ITGBL1: variants seen among roughly 807,000 people sequenced by gnomAD.
ITGBL1 encodes the protein integrin subunit beta like 1, also known as integrin beta-like protein 1.
ITGBL1 carries 51 observed loss-of-function variants against 68.5 expected under a neutral mutation model. That is an observed-to-expected ratio of 0.74 (90% confidence interval 0.59 to 0.94). ITGBL1 has a LOEUF of 0.94. ITGBL1 is among the 40% of genes least tolerant of loss of function. The pLI is 0.00. For synonymous variants in ITGBL1, 209 were observed against 227.3 expected, an observed-to-expected ratio of 0.92 and a Z score of 0.72; for missense variants, 649 against 647.4, an observed-to-expected ratio of 1.00 and a Z score of -0.03.
intron 8 of ITGBL1, among the ~76,000 whole-genome samples, chr13:101,695,197 T>C (rs1358038764): frequency 6.6e-6 from 1 of 152,220 alleles, no homozygotes; most frequent in Non-Finnish European, 1.5e-5. Context: ...ATGCAGACTA[T>C]GTGCTTTACA....
At chr13:101,651,159 A>G (rs2032738055) in intron 7 of ITGBL1, among the ~76,000 whole-genome samples, 1 of 152,168 alleles carries the variant, frequency 6.6e-6, no homozygotes, top group Non-Finnish European at 1.5e-5. Flanking sequence ...TTAGGTATAT[A>G]CCCAGTAATG....
intron 2 of ITGBL1, among the ~76,000 whole-genome samples, chr13:101,456,784 A>G (rs2048249520): frequency 6.6e-6 from 1 of 152,136 alleles, no homozygotes; most frequent in Admixed American, 6.5e-5. Context: ...GCTTGGTGGC[A>G]TGTGCCTGTA....
intron 2 of ITGBL1, among the ~76,000 whole-genome samples, chr13:101,512,842 T>C (rs1319304139): frequency 2.0e-5 from 3 of 152,126 alleles, no homozygotes; most frequent in African/African-American, 7.2e-5. Context: ...CAGAATATAT[T>C]ATAACAGAAT....
At chr13:101,456,845 G>A (rs2048250526) in intron 2 of ITGBL1, among the ~76,000 whole-genome samples, 2 of 152,270 alleles carry the variant, frequency 1.3e-5, no homozygotes, top group East Asian at 1.9e-4. Flanking sequence ...AACCCGGCAG[G>A]CAGAGGTTGC....
chr13:101,588,743 C>A (rs2050601700), intron 6 of ITGBL1, among the ~76,000 whole-genome samples: 1 of 150,626 alleles, frequency 6.6e-6, no homozygotes, highest in African/African-American at 2.4e-5. Context: ...AAAGGGTTTT[C>A]ATGCTAAATA....
intron 6 of ITGBL1, among the ~76,000 whole-genome samples, chr13:101,592,839 A>G (rs1046242674): frequency 1.3e-5 from 2 of 152,098 alleles, no homozygotes; most frequent in African/African-American, 2.4e-5. Context: ...AAGAAAACAT[A>G]GGATAGTACT....
chr13:101,515,259 T>C (rs558171588), intron 2 of ITGBL1, among the ~76,000 whole-genome samples: 3 of 152,106 alleles, frequency 2.0e-5, no homozygotes, highest in Non-Finnish European at 4.4e-5. Context: ...AAAATACAAC[T>C]GATTCTAGTC....
chr13:101,481,054 CTA>C (rs1298171536), intron 2 of ITGBL1, among the ~76,000 whole-genome samples: 1 of 120,648 alleles, frequency 8.3e-6, no homozygotes, highest in Non-Finnish European at 1.7e-5. Context: ...ATATGTGTAA[CTA>C]TATACACACA....
intron 2 of ITGBL1, among the ~76,000 whole-genome samples, chr13:101,466,771 G>C (rs1482626576): frequency 6.6e-6 from 1 of 152,148 alleles, no homozygotes; most frequent in African/African-American, 2.4e-5. Flanking sequence ...AGTACAGATC[G>C]ATCTTTCCTG....
chr13:101,633,012 C>G (rs1308199905), intron 7 of ITGBL1, among the ~76,000 whole-genome samples: 1 of 152,194 alleles, frequency 6.6e-6, no homozygotes, highest in Admixed American at 6.5e-5. Flanking sequence ...TCTCATTTCT[C>G]CCAAGTTCCC....
intron 2 of ITGBL1, among the ~76,000 whole-genome samples, chr13:101,550,181 AC>A (rs1350356265): frequency 6.6e-6 from 1 of 152,150 alleles, no homozygotes; most frequent in Non-Finnish European, 1.5e-5. Flanking sequence ...ATTTTTGTCA[AC>A]ATAGGCCCTG....
intron 7 of ITGBL1, among the ~76,000 whole-genome samples, chr13:101,623,015 G>T (rs958317771): frequency 6.6e-6 from 1 of 151,322 alleles, no homozygotes; most frequent in Non-Finnish European, 1.5e-5. Context: ...ATTTATGCTT[G>T]TTTTCTCTAA....
intron 3 of ITGBL1, 95 bp from the exon 4 acceptor site, chr13:101,575,329 G>A (rs988851763): frequency 5.8e-5 from 67 of 1,160,400 alleles, no homozygotes; most frequent in Non-Finnish European, 7.9e-5. Flanking sequence ...AATTGATTTG[G>A]ATTATCTACT....
At position 101,637,432 on chromosome 13, in the gene ITGBL1, C is replaced by T. The variant is rs182222887; in HGVS notation, c.1015+39133C>T. 1.2e-4 allele frequency among the ~76,000 whole-genome samples: 18 copies of T among 151,498 alleles called. No homozygotes were observed. In the East Asian group the frequency reaches 3.1e-3, roughly 26 times the overall value. ...GATCTGGGCTCACTGCAACCACCGCCTCCTGGGTTCAAGCCATTCTCCTGC... is the reference window on the plus strand; with the variant it reads ...GATCTGGGCTCACTGCAACCACCGCTTCCTGGGTTCAAGCCATTCTCCTGC... On this transcript the variant is annotated intron_variant, in intron 7 of 10. Coordinates refer to ENST00000376180, the MANE Select transcript of ITGBL1 (RefSeq NM_004791.3).
chr13:101,710,657 TG>T (rs2034419888), intron 9 of ITGBL1: 1 of 152,178 alleles, frequency 6.6e-6, no homozygotes, highest in Admixed American at 6.5e-5. Flanking sequence ...TCACAAAAGA[TG>T]TTCAAGTTCT....
At chr13:101,620,861 T>C (rs2139386715) in intron 7 of ITGBL1, among the ~76,000 whole-genome samples, 1 of 152,300 alleles carries the variant, frequency 6.6e-6, no homozygotes, top group South Asian at 2.1e-4. Flanking sequence ...TTGCTGTTAG[T>C]TCCATGGTAA....
At chr13:101,701,103 G>T (rs1221715735) in intron 8 of ITGBL1, among the ~76,000 whole-genome samples, 1 of 152,014 alleles carries the variant, frequency 6.6e-6, no homozygotes, top group Non-Finnish European at 1.5e-5. Flanking sequence ...TTAAAAAGAG[G>T]GTATTGAAAG....
chr13:101,602,607 A>G lies in ITGBL1; in HGVS notation c.1015+4308A>G, dbSNP rs930196761. Among the ~76,000 whole-genome samples, 3 of 151,992 alleles carry G rather than the reference A, an allele frequency of 2.0e-5. No individual in the cohort carries two copies. The East Asian group carries it at 5.8e-4, about 29-fold the overall frequency. ...AGAGATATAATTCACATACCACAAAATTCACATACCACTCAGTATTTTGAT... is the reference window on the plus strand; with the variant it reads ...AGAGATATAATTCACATACCACAAAGTTCACATACCACTCAGTATTTTGAT... On this transcript the variant is annotated intron_variant, in intron 7 of 10. Transcript: ENST00000376180.
intron 2 of ITGBL1, among the ~76,000 whole-genome samples, chr13:101,526,703 G>A (rs1022209470): frequency 1.3e-5 from 2 of 150,612 alleles, no homozygotes; most frequent in East Asian, 3.9e-4. Flanking sequence ...GAAAAGTTCA[G>A]TAAACACCTT....
Sources: allele counts gnomAD v4.1 joint callset (sites outside exome capture counted in the v4.1 genomes callset), GRCh38; gene constraint gnomAD v4.1.1; transcripts MANE v1.5; gene names NCBI Gene and HGNC (gene_info 2026-07-23, HGNC 2026-07-21).